The following PRKG1 variants were observed in gnomAD, a reference collection of about 807,000 sequenced individuals.
The protein encoded by PRKG1 is protein kinase cGMP-dependent 1.
Under a neutral mutation model 88.1 loss-of-function variants are expected in PRKG1, and 35 were observed. That is an observed-to-expected ratio of 0.40 (90% confidence interval 0.30 to 0.53). The LOEUF is 0.53. Ranked by LOEUF, PRKG1 falls within the 20% of genes least tolerant of loss-of-function variation. The pLI is 0.59. For synonymous variants in PRKG1, 303 were observed against 292.5 expected (o/e 1.04, Z -0.37); for missense variants, 540 against 839.8 (o/e 0.64, Z 4.41).
chr10:51,965,703 T>C (rs1375221619), intron 5 of PRKG1, among the ~76,000 whole-genome samples: 2 of 152,152 alleles, frequency 1.3e-5, no homozygotes, highest in Non-Finnish European at 2.9e-5. Context: ...AGTAAAAATA[T>C]CTGGATGAAA....
chr10:51,976,546 G>T (rs2454564), intron 5 of PRKG1, among the ~76,000 whole-genome samples: 117,208 of 151,924 alleles, frequency 0.77, 45,365 homozygotes, highest in African/African-American at 0.8. Context: ...TTGCCAAGAT[G>T]AGTCAAATCT....
At chr10:52,151,757 A>G (rs1837933962) in intron 8 of PRKG1, among the ~76,000 whole-genome samples, 2 of 152,226 alleles carry the variant, frequency 1.3e-5, no homozygotes, top group South Asian at 2.1e-4. Flanking sequence ...AGGGCAATCT[A>G]TTCTTATATT....
At chr10:51,549,115 C>CTTTTATTTTTTTTTTTTTTTTTTTT (rs1842514509) in intron 3 of PRKG1, among the ~76,000 whole-genome samples, 1 of 79,296 alleles carries the variant, frequency 1.3e-5, no homozygotes, top group Admixed American at 1.3e-4. Context: ...TCTTTCTTTT[C>CTTTTATTTTTTTTTTTTTTTTTTTT]TTTTCTTTTT....
intron 5 of PRKG1, among the ~76,000 whole-genome samples, chr10:51,982,960 C>T (rs1359003126): frequency 1.3e-5 from 2 of 152,124 alleles, no homozygotes; most frequent in Non-Finnish European, 2.9e-5. Context: ...CAACTGTACC[C>T]ATGGTTGTGC....
chr10:51,418,337 G>T (rs1838304487), intron 2 of PRKG1, among the ~76,000 whole-genome samples: 1 of 152,100 alleles, frequency 6.6e-6, no homozygotes, highest in Admixed American at 6.6e-5. Context: ...AAGGGATGTT[G>T]GCTGAATCAT....
intron 4 of PRKG1, among the ~76,000 whole-genome samples, chr10:51,848,670 T>TA (rs2132798174): frequency 6.6e-6 from 1 of 150,746 alleles, no homozygotes; most frequent in African/African-American, 2.4e-5. Flanking sequence ...TGTGTGTGTT[T>TA]TATATTTTTA....
At chr10:51,824,345 G>T (rs1204966854) in intron 4 of PRKG1, among the ~76,000 whole-genome samples, 2 of 152,102 alleles carry the variant, frequency 1.3e-5, no homozygotes, top group Non-Finnish European at 2.9e-5. Context: ...TGTTCAACTA[G>T]AGTAACTTAG....
At chr10:51,846,602 T>A (rs549691907) in intron 4 of PRKG1, among the ~76,000 whole-genome samples, 1 of 152,206 alleles carries the variant, frequency 6.6e-6, no homozygotes, top group African/African-American at 2.4e-5. Context: ...AGTGTATTGA[T>A]CTTCTTTCTG....
chr10:51,499,789 C>T (rs1190978145), intron 3 of PRKG1, among the ~76,000 whole-genome samples: 1 of 152,036 alleles, frequency 6.6e-6, no homozygotes, highest in Non-Finnish European at 1.5e-5. Context: ...AAATTTAAAA[C>T]TATTTTTTAA....
chr10:51,053,152 C>T (rs1270867468), intron 1 of PRKG1, among the ~76,000 whole-genome samples: 1 of 152,082 alleles, frequency 6.6e-6, no homozygotes, highest in Non-Finnish European at 1.5e-5. Context: ...ATTGCTTGAA[C>T]CCTGAAGGTG....
intron 2 of PRKG1, among the ~76,000 whole-genome samples, chr10:51,347,230 A>G (rs1460619399): frequency 6.6e-6 from 1 of 152,094 alleles, no homozygotes; most frequent in Non-Finnish European, 1.5e-5. Context: ...CTAATGAGTT[A>G]TATGCCCTTG....
chr10:52,077,470 A>G (rs1465724902), intron 7 of PRKG1, among the ~76,000 whole-genome samples: 1 of 152,216 alleles, frequency 6.6e-6, no homozygotes, highest in Non-Finnish European at 1.5e-5. Flanking sequence ...CAGAGATTAT[A>G]AAGGGATACT....
chr10:51,103,965 A>G (rs1844751985), intron 1 of PRKG1, among the ~76,000 whole-genome samples: 1 of 152,200 alleles, frequency 6.6e-6, no homozygotes, highest in Non-Finnish European at 1.5e-5. Flanking sequence ...GCTATGAAGG[A>G]CATTTATAGA....
intron 3 of PRKG1, among the ~76,000 whole-genome samples, chr10:51,616,279 C>T (rs77532950): frequency 6.6e-6 from 1 of 152,198 alleles, no homozygotes; most frequent in African/African-American, 2.4e-5. Context: ...ACATGGTTCA[C>T]TTCTTGGCCC....
intron 3 of PRKG1, among the ~76,000 whole-genome samples, chr10:51,479,844 G>T (rs1287597454): frequency 1.3e-5 from 2 of 151,914 alleles, no homozygotes; most frequent in African/African-American, 4.8e-5. Flanking sequence ...GACTTGGCAC[G>T]CCTTCACAGC....
intron 1 of PRKG1, among the ~76,000 whole-genome samples, chr10:51,095,180 C>G (rs1306919468): frequency 6.6e-6 from 1 of 152,124 alleles, no homozygotes; most frequent in African/African-American, 2.4e-5. Flanking sequence ...CATTCAGAAT[C>G]CAGGTCTCTT....
chr10:51,859,214 C>G (rs1205485516), intron 4 of PRKG1, among the ~76,000 whole-genome samples: 1 of 152,188 alleles, frequency 6.6e-6, no homozygotes, highest in Non-Finnish European at 1.5e-5. Context: ...CTGAAGTGGG[C>G]TCCCTTCAAA....
At chr10:52,075,010 G>A (rs1846594226) in intron 7 of PRKG1, among the ~76,000 whole-genome samples, 1 of 152,156 alleles carries the variant, frequency 6.6e-6, no homozygotes, top group African/African-American at 2.4e-5. Flanking sequence ...AGGCATTTAG[G>A]AAAAGTGCAA....
intron 4 of PRKG1, among the ~76,000 whole-genome samples, chr10:51,835,205 A>G (rs1462193484): frequency 6.6e-6 from 1 of 152,194 alleles, no homozygotes; most frequent in Non-Finnish European, 1.5e-5. Context: ...AGTCTCTGGC[A>G]AGTGATCTGG....
Sources: allele counts gnomAD v4.1 joint callset (sites outside exome capture counted in the v4.1 genomes callset), GRCh38; gene constraint gnomAD v4.1.1; transcripts MANE v1.5; gene names NCBI Gene and HGNC (gene_info 2026-07-23, HGNC 2026-07-21).